Variants in KIAA1671 observed in about 807,000 individuals in gnomAD.
The protein encoded by KIAA1671 is KIAA1671, also known as uncharacterized protein KIAA1671.
A neutral mutation model predicts 131.2 loss-of-function variants in KIAA1671; 52 were observed. The ratio of observed to expected loss-of-function variants is 0.40; its 90% confidence interval spans 0.32 to 0.50. KIAA1671 has a LOEUF of 0.50. Ranked by LOEUF, KIAA1671 falls within the 20% of genes least tolerant of loss-of-function variation. KIAA1671 has a pLI of 0.73. For synonymous variants in KIAA1671, 1,003 were observed against 961.6 expected (o/e 1.04, Z -0.80); for missense variants, 2,360 against 2,364.2 (o/e 1.00, Z 0.04).
intron 6 of KIAA1671, among the ~76,000 whole-genome samples, chr22:25,077,601 C>G (rs913481188): frequency 1.3e-5 from 2 of 152,192 alleles, no homozygotes; most frequent in African/African-American, 4.8e-5. Flanking sequence ...GGGCGTGACA[C>G]CCCAGCTGGG....
At position 25,159,020 on chromosome 22, in the gene KIAA1671, C is replaced by T. The variant is rs994068844; in HGVS notation, c.4531-11800C>T. On this transcript the variant is annotated intron_variant, in intron 6 of 12. Coordinates refer to ENST00000358431, the MANE Select transcript of KIAA1671 (RefSeq NM_001145206.2). ...TGTTACTATTCTTATTGCCTCCCTG[C>T]CTACCTCTGACACCCACAGCGCAGG... Among the ~76,000 whole-genome samples the T allele has an allele frequency of 7.9e-5, 12 of 152,164 alleles. No homozygotes were observed. The East Asian group carries it at 9.6e-4, about 12-fold the overall frequency.
intron 6 of KIAA1671, among the ~76,000 whole-genome samples, chr22:25,070,661 G>A (rs575854433): frequency 5.9e-5 from 9 of 151,696 alleles, no homozygotes; most frequent in Non-Finnish European, 1.3e-4. Context: ...TCCTGGATCC[G>A]ATGTGGGCTT....
intron 2 of KIAA1671, among the ~76,000 whole-genome samples, chr22:25,026,696 C>T (rs1278194931): frequency 2.6e-5 from 4 of 151,764 alleles, no homozygotes; most frequent in Non-Finnish European, 5.9e-5. Flanking sequence ...CGCCATTGCA[C>T]TCCAGCCTGG....
chr22:25,025,339 CTG>C (rs1452549666), intron 1 of KIAA1671, among the ~76,000 whole-genome samples: 2 of 152,118 alleles, frequency 1.3e-5, no homozygotes, highest in Non-Finnish European at 2.9e-5. Flanking sequence ...TTACAGAAGA[CTG>C]TGAGTTGCAT....
At chr22:25,176,781 C>A (rs5752075) in intron 8 of KIAA1671, 118,244 of 152,128 alleles carry the variant, frequency 0.78, 47,046 homozygotes, top group African/African-American at 0.94. Context: ...GTCGCAGCTC[C>A]GAGTGTGAGT....
intron 1 of KIAA1671, chr22:25,014,505 C>A (rs1420162668): frequency 5.9e-5 from 9 of 152,006 alleles, no homozygotes; most frequent in Admixed American, 5.9e-4. Flanking sequence ...AATTCATGGG[C>A]TCAAGCAATT....
chr22:25,000,084 C>T (rs890044960), intron 1 of KIAA1671, among the ~76,000 whole-genome samples: 55 of 150,538 alleles, frequency 3.7e-4, no homozygotes, highest in African/African-American at 1.2e-3. Flanking sequence ...GGGGTTTCAC[C>T]GTGTTAGCCA....
chr22:24,979,354 A>AT (rs577953925), intron 1 of KIAA1671, among the ~76,000 whole-genome samples: 3,145 of 117,728 alleles, frequency 0.027, 101 homozygotes, highest in African/African-American at 0.066. Flanking sequence ...TTATTTATTT[A>AT]TTTATTTTTT....
chr22:25,134,951 T>A (rs1463578887), intron 6 of KIAA1671, among the ~76,000 whole-genome samples: 1 of 152,214 alleles, frequency 6.6e-6, no homozygotes, highest in African/African-American at 2.4e-5. Flanking sequence ...ACTCTATACA[T>A]GTTAGCAGTT....
At chr22:24,967,177 G>C (rs537566408) in intron 1 of KIAA1671, among the ~76,000 whole-genome samples, 1 of 152,302 alleles carries the variant, frequency 6.6e-6, no homozygotes, top group East Asian at 1.9e-4. Context: ...ACAGGGCCTA[G>C]AAAAATCACA....
chr22:25,067,039 C>T (rs545242799), intron 6 of KIAA1671, among the ~76,000 whole-genome samples: 5 of 152,240 alleles, frequency 3.3e-5, no homozygotes, highest in South Asian at 4.1e-4. Context: ...CGGGCTGCCT[C>T]GGCCCACGGG....
intron 6 of KIAA1671, among the ~76,000 whole-genome samples, chr22:25,088,095 TTTTC>T (rs200698424): frequency 2.1e-3 from 311 of 147,076 alleles, no homozygotes; most frequent in Middle Eastern, 0.011. Flanking sequence ...GATGTCTTTC[TTTTC>T]TTTCTTTCTT....
chr22:25,051,225 T>A (rs989796539), intron 6 of KIAA1671: 1 of 152,500 alleles, frequency 6.6e-6, no homozygotes, highest in East Asian at 1.9e-4. Flanking sequence ...CCTGCAATTC[T>A]GGGGAGTGGC....
chr22:25,107,897 A>G (rs910175254), intron 6 of KIAA1671, among the ~76,000 whole-genome samples: 2 of 152,044 alleles, frequency 1.3e-5, no homozygotes, highest in Non-Finnish European at 2.9e-5. Context: ...AATCCCAGAT[A>G]CTCGGGAGGC....
chr22:25,115,964 C>T (rs1219854933), intron 6 of KIAA1671, among the ~76,000 whole-genome samples: 1 of 152,120 alleles, frequency 6.6e-6, no homozygotes, highest in Non-Finnish European at 1.5e-5. Flanking sequence ...TTAGTAGAGA[C>T]AGGGTTTCAC....
chr22:25,122,660 G>A (rs141339141), intron 6 of KIAA1671, among the ~76,000 whole-genome samples: 257 of 152,292 alleles, frequency 1.7e-3, no homozygotes, highest in African/African-American at 5.9e-3. Flanking sequence ...TGCCTGTCCT[G>A]TATCAGTAGG....
rs1157982355 is a variant in KIAA1671 at position 25,041,271 on chromosome 22, G to A, written c.4141G>A (p.Gly1381Arg). The change falls in exon 5 of 13, where the codon GGG becomes AGG. Residue 1381 changes from glycine (G) to arginine (R), a missense_variant. By Grantham distance (125) the Gly-to-Arg change is moderately radical (BLOSUM62 -2). Coordinates refer to ENST00000358431, the MANE Select transcript of KIAA1671 (RefSeq NM_001145206.2). ...QKKGTPRKST[G>R]RGEEDSVAQW... ...GAAAGGGACCCCAAGGAAATCCACC[G>A]GGCGGGGAGAGGAGGACAGTGTGGC... is the stretch of plus-strand genomic sequence containing the variant. The A allele has an allele frequency of 1.3e-5, 20 of 1,551,612 alleles. No individual in the cohort carries two copies. The East Asian group carries it at 1.5e-4, about 11-fold the overall frequency.
At chr22:25,048,942 A>G in intron 5 of KIAA1671, 1 of 366,400 alleles carries the variant, frequency 2.7e-6, no homozygotes. Flanking sequence ...CTTAGCGCCT[A>G]GAAGCTGGGT....
At chr22:25,170,742 C>A in intron 6 of KIAA1671, 78 bp from the exon 7 acceptor site, 1 of 1,410,988 alleles carries the variant, frequency 7.1e-7, no homozygotes, top group Non-Finnish European at 9.8e-7. Flanking sequence ...GCCATGCGAT[C>A]TGATTTGTGT....
Sources: gnomAD v4.1 joint callset for allele counts (sites outside exome capture counted in the v4.1 genomes callset) on GRCh38, gnomAD v4.1.1 for gene constraint, MANE v1.5 for transcripts, NCBI Gene and HGNC (gene_info 2026-07-23, HGNC 2026-07-21) for gene names.